The following KCP variants were observed in gnomAD, a reference collection of about 807,000 sequenced individuals.
KCP encodes the protein kielin/chordin-like protein.
In KCP, 194 loss-of-function variants were observed where a neutral mutation model predicts 212.7. The ratio of observed to expected loss-of-function variants is 0.91; its 90% CI spans 0.81 to 1.03. KCP has a LOEUF of 1.03. Ranked by LOEUF, KCP falls within the 50% of genes least tolerant of loss-of-function variation. KCP has a pLI of 0.00. For missense variants in KCP, 2,080 were observed against 2,162.5 expected, an observed-to-expected ratio of 0.96 and a Z score of 0.76; for synonymous variants, 833 against 865.3, an observed-to-expected ratio of 0.96 and a Z score of 0.65.
chr7:128,881,708 G>A lies in KCP; in HGVS notation c.3342C>T (p.Cys1114=), dbSNP rs2128944660. The A allele has an allele frequency of 1.3e-6, 2 of 1,532,382 alleles. No homozygotes were observed. The highest frequency in any genetic ancestry group is 2.8e-5 in the African/African-American group (2 of 71,518). 94.9% of individuals were successfully genotyped at this position (1,532,382 alleles called of 1,614,324 possible). Reference sequence around the variant, plus strand: ...TGAGCTCAGGACAAGCCTGGTGGATGCAGAGCCATGTCAGGTCCTGCCCAT... The same window carrying A: ...TGAGCTCAGGACAAGCCTGGTGGATACAGAGCCATGTCAGGTCCTGCCCAT... ...TCQCQDLTWL[C]IHQACPELSC... The change falls in exon 31 of 40, where the codon TGC becomes TGT. Residue 1114 remains cysteine, a synonymous_variant. Coordinates refer to ENST00000610776, the MANE Select transcript of KCP (RefSeq NM_001366122.1).
At chr7:128,908,251 G>GAAAGAAAGAAAGA (rs10565205) in intron 2 of KCP, among the ~76,000 whole-genome samples, 175 bp downstream of exon 2, 55 of 101,274 alleles carry the variant, frequency 5.4e-4, no homozygotes, top group African/African-American at 1.0e-3. Flanking sequence ...AAGAAAGAAA[G>GAAAGAAAGAAAGA]AAGAAAGAAA....
rs1158274280 is a variant in KCP, at chr7:128,903,864, C to A, written c.655-44G>T. ...TGTGAGGCTTCAGGTCTGGCTCCCG[C>A]AGAGGGCTGGGTGGGCGGGTGTTGG... is the stretch of plus-strand genomic sequence containing the variant. On this transcript the variant is annotated intron_variant, in intron 6 of 39. Transcript: ENST00000610776. 1.5e-5 allele frequency: 12 copies of A among 785,476 alleles called. No homozygotes were observed. In the African/African-American group the frequency reaches 2.3e-4, roughly 15 times the overall value. The allele number at this position is 785,476 out of a possible 1,614,324, so 48.7% of individuals were successfully genotyped here.
rs781076877 is a variant in KCP at position 128,891,195 on chromosome 7, C to T, written c.1962G>A (p.Pro654=). Residue 654 remains proline (P), a synonymous_variant, in exon 19 of 40, where the codon CCG becomes CCA. Transcript: ENST00000610776. ...EPVLLPGECC[P]QCPAAPAPAG... is the part of the protein sequence containing the mutation. ...GGGTGCGGCCCCTACCTGGGCACTG[C>T]GGGCAGCACTCTCCCGGCAGCAGGA... 6 of 1,543,524 alleles carry T rather than the reference C, an allele frequency of 3.9e-6. No homozygotes were observed. Among genetic ancestry groups the T allele is most frequent in the Middle Eastern group, 1.7e-4 (1 of 5,974 alleles).
In KCP at chr7:128,879,819, TCA is replaced by T; in HGVS notation, c.3941_3942del (p.Val1314AspfsTer3). On this transcript the variant is annotated frameshift_variant, in exon 36 of 40. Coordinates refer to ENST00000610776, the MANE Select transcript of KCP (RefSeq NM_001366122.1). LOFTEE classifies it high-confidence loss of function. ...CCGCTCCGGCCCCGGTCATCATTGG[TCA>T]CGTGCACACTGTGGGCAGGAAAGTC... ...DCHSGDFSVH[V>X]TNDDRGRSGV... The T allele has an allele frequency of 6.4e-7, 1 of 1,550,922 alleles. No individual in the cohort carries two copies. Among genetic ancestry groups the T allele is most frequent in the Non-Finnish European group, 8.7e-7 (1 of 1,146,948 alleles).
chr7:128,884,549 AG>A (rs1361265975), intron 28 of KCP, among the ~76,000 whole-genome samples: 2 of 152,164 alleles, frequency 1.3e-5, no homozygotes, highest in Admixed American at 1.3e-4. Context: ...CACTGCAGCC[AG>A]GGGGGCCACC....
chr7:128,892,924 C>A lies in KCP; in HGVS notation c.1365G>T (p.Lys455Asn), dbSNP rs759641949. Residue 455 changes from lysine to asparagine, a missense_variant, in exon 14 of 40, where the codon AAG (lysine) becomes AAT (asparagine). By Grantham distance (94) the Lys-to-Asn change is moderately conservative. Coordinates refer to ENST00000610776, the MANE Select transcript of KCP (RefSeq NM_001366122.1). ...CTGGGGGGCAGAGCACAGCCCCGCACTTGGGTACCCCATCTTGACAGACGC... is the reference window on the plus strand; with the variant it reads ...CTGGGGGGCAGAGCACAGCCCCGCAATTGGGTACCCCATCTTGACAGACGC... ...TACVCQDGVP[K>N]CGAVLCPPAP... is the part of the protein sequence containing the mutation. 2 of 1,513,860 alleles carry A rather than the reference C, an allele frequency of 1.3e-6. No homozygotes were observed. The highest frequency in any genetic ancestry group is 1.8e-6 in the Non-Finnish European group (2 of 1,112,836). 93.8% of individuals were successfully genotyped at this position (1,513,860 alleles called of 1,614,324 possible).
intron 21 of KCP, among the ~76,000 whole-genome samples, chr7:128,889,300 TC>T (rs1793939153): frequency 6.6e-6 from 1 of 152,170 alleles, no homozygotes; most frequent in South Asian, 2.1e-4. Flanking sequence ...CCACAAGGAA[TC>T]TGCTGCCCCT....
At chr7:128,906,542 A>G (rs73721656) in intron 4 of KCP, among the ~76,000 whole-genome samples, 179 bp from the exon 5 acceptor site, 10,347 of 152,090 alleles carry the variant, frequency 0.068, 1,207 homozygotes, top group African/African-American at 0.24. Flanking sequence ...CCCCACTCCC[A>G]TCGTCTCCTG....
At chr7:128,895,718 A>G (rs898822841) in intron 8 of KCP, among the ~76,000 whole-genome samples, 5 of 152,216 alleles carry the variant, frequency 3.3e-5, no homozygotes, top group Non-Finnish European at 7.3e-5. Flanking sequence ...CCAAGATGGC[A>G]ATGAGAGTGA....
At chr7:128,883,145 C>T (rs113534559) in intron 29 of KCP, among the ~76,000 whole-genome samples, 1 of 143,364 alleles carries the variant, frequency 7.0e-6, no homozygotes, top group Admixed American at 6.9e-5. Context: ...TTTTTTCTTT[C>T]TTTTTTTTTT....
In KCP at chr7:128,892,601, T is replaced by C; in HGVS notation, c.1534A>G (p.Thr512Ala). 1 of 1,551,120 alleles carries C rather than the reference T, an allele frequency of 6.4e-7. No individual in the cohort carries two copies. Among genetic ancestry groups the C allele is most frequent in the South Asian group, 1.2e-5 (1 of 84,020 alleles). The change falls in exon 16 of 40, where the codon ACT becomes GCT. Residue 512 changes from threonine to alanine, a missense_variant. Coordinates refer to ENST00000610776, the MANE Select transcript of KCP (RefSeq NM_001366122.1). ...CAGTCAACCAAGGAGCATGTCACAG[T>C]TCCATCCTGCGAGAGAGCAGGGGAG... The part of the protein sequence containing the change: ...PCHACHCQDG[T>A]VTCSLVDCPP...
At position 128,902,804 on chromosome 7, in the gene KCP, C is replaced by A. The variant is rs1287654514; in HGVS notation, c.804G>T (p.Gly268=). ...GGCACCGGCAGATTCGGCAGGGGTC[C>A]CCAGGTGTTGTCCACTCTTGGCCAT... ...WEHGQEWTTP[G]DPCRICRCLE... The change falls in exon 8 of 40, where the codon GGG becomes GGT. Residue 268 remains glycine (G), a synonymous_variant. Transcript: ENST00000610776. The A allele has an allele frequency of 1.3e-6, 2 of 1,551,262 alleles. No homozygotes were observed. The highest frequency in any genetic ancestry group is 2.7e-5 in the African/African-American group (2 of 73,020).
Position 128,886,856 on chromosome 7 carries a change from G to C in KCP, c.2689+20C>G, listed in dbSNP as rs776740398. The C allele has an allele frequency of 4.1e-6, 6 of 1,472,918 alleles. No homozygotes were observed. The African/African-American group carries it at 7.0e-5, about 17-fold the overall frequency. The allele number at this position is 1,472,918 out of a possible 1,614,324, so 91.2% of individuals were successfully genotyped here. On this transcript the variant is annotated intron_variant, in intron 24 of 39. Coordinates refer to ENST00000610776, the MANE Select transcript of KCP (RefSeq NM_001366122.1). Reference sequence around the variant, plus strand: ...AGGCGGGGAAGGGCATGGGGGCCGCGCATGAGGAAGGCAGCTCACTGTGGC... The same window carrying C: ...AGGCGGGGAAGGGCATGGGGGCCGCCCATGAGGAAGGCAGCTCACTGTGGC...
intron 2 of KCP, among the ~76,000 whole-genome samples, 171 bp downstream of exon 2, chr7:128,908,240 GAAGAAAGAAAGAAGA>G (rs1216779006): frequency 0.032 from 2,272 of 70,850 alleles, 53 homozygotes; most frequent in East Asian, 0.084. Context: ...AAGAAGAAAG[GAAGAAAGAAAGAAGA>G]AAGAAAGAAA....
intron 21 of KCP, 169 bp downstream of exon 21, chr7:128,890,174 C>T (rs1443263499): frequency 3.9e-6 from 5 of 1,278,112 alleles, no homozygotes; most frequent in Non-Finnish European, 5.4e-6. Flanking sequence ...CCTGCCTCAG[C>T]CTCCCAAATT....
At chr7:128,883,911 A>G (rs1366927737) in intron 29 of KCP, 91 bp downstream of exon 29, 4 of 1,439,508 alleles carry the variant, frequency 2.8e-6, no homozygotes, top group Admixed American at 2.6e-5. Context: ...TGGAGTCAGG[A>G]AGAATCTGGG....
At chr7:128,910,061 C>G (rs140610003) in intron 1 of KCP, among the ~76,000 whole-genome samples, 4 of 152,172 alleles carry the variant, frequency 2.6e-5, no homozygotes, top group African/African-American at 9.7e-5. Flanking sequence ...TATGGGAGCC[C>G]GGGAGAAGCT....
chr7:128,885,188 G>C lies in KCP; in HGVS notation c.2949C>G (p.His983Gln). The C allele has an allele frequency of 6.4e-7, 1 of 1,550,850 alleles. No individual in the cohort carries two copies. The highest frequency in any genetic ancestry group is 1.4e-5 in the African/African-American group (1 of 73,186). The change falls in exon 27 of 40, where the codon CAC (histidine) becomes CAG (glutamine). Residue 983 changes from histidine to glutamine, a missense_variant. Transcript: ENST00000610776. Reference sequence around the variant, plus strand: ...TGCGTGCACAGGTGACGACGCCCTCGTGACACACACAGGAGGAGCAGGCAC... The same window carrying C: ...TGCGTGCACAGGTGACGACGCCCTCCTGACACACACAGGAGGAGCAGGCAC... ...PDSACSSCVC[H>Q]EGVVTCARIQ...
chr7:128,890,816 C>T, intron 20 of KCP, 89 bp downstream of exon 20: 1 of 1,121,546 alleles, frequency 8.9e-7, no homozygotes, highest in Non-Finnish European at 1.2e-6. Context: ...GCGGAGCGGG[C>T]CTGGAGGAAG....
Sources: gnomAD v4.1 joint callset for allele counts (sites outside exome capture counted in the v4.1 genomes callset) on GRCh38, gnomAD v4.1.1 for gene constraint, MANE v1.5 for transcripts, NCBI Gene and HGNC (gene_info 2026-07-23, HGNC 2026-07-21) for gene names.